SEMA4D: variants seen among roughly 807,000 people sequenced by gnomAD.
SEMA4D encodes semaphorin 4D.
A neutral mutation model predicts 74.8 loss-of-function variants in SEMA4D; 22 were observed. The observed-to-expected ratio is 0.29, with a 90% CI of 0.21 to 0.42. The LOEUF (loss-of-function observed/expected upper bound fraction) is 0.42, where lower values mean the gene tolerates loss of function less well. SEMA4D is among the 10% of genes least tolerant of loss of function. The pLI is 1.00. For synonymous variants in SEMA4D, 445 were observed against 463.7 expected (o/e 0.96, Z 0.52); for missense variants, 937 against 1,118.4 (o/e 0.84, Z 2.31).
chr9:89,382,856 C>T (rs955791303), intron 13 of SEMA4D, among the ~76,000 whole-genome samples: 1 of 152,124 alleles, frequency 6.6e-6, no homozygotes, highest in Non-Finnish European at 1.5e-5. Flanking sequence ...CCTGACTCCT[C>T]ACCCCAAAGA....
At chr9:89,430,540 G>T (rs1039057403) in intron 2 of SEMA4D, among the ~76,000 whole-genome samples, 1 of 152,202 alleles carries the variant, frequency 6.6e-6, no homozygotes, top group African/African-American at 2.4e-5. Context: ...TACTGGGGAG[G>T]GGGAAACTGG....
chr9:89,386,141 G>T, intron 13 of SEMA4D: 1 of 928,374 alleles, frequency 1.1e-6, no homozygotes, highest in Admixed American at 6.2e-5. Context: ...CAGCAACTTC[G>T]AAGAGAAAGT....
chr9:89,360,883 C>T (rs1409378495), exon 19 of SEMA4D: 6 of 152,218 alleles, frequency 3.9e-5, no homozygotes, highest in Non-Finnish European at 8.8e-5. Context: ...GAACACTCCA[C>T]ATTACGAAAA....
At chr9:89,473,108 G>T (rs1860820564) in intron 1 of SEMA4D, among the ~76,000 whole-genome samples, 1 of 152,112 alleles carries the variant, frequency 6.6e-6, no homozygotes, top group Non-Finnish European at 1.5e-5. Context: ...GTATTGGAAA[G>T]GAAGCGCTCA....
At chr9:89,370,006 G>GGT (rs992914241) in intron 16 of SEMA4D, among the ~76,000 whole-genome samples, 7 of 151,632 alleles carry the variant, frequency 4.6e-5, no homozygotes, top group African/African-American at 1.5e-4. Flanking sequence ...TGGTATGATT[G>GGT]GTGTGTGTGT....
rs577325084 is a variant in SEMA4D, at chr9:89,402,780, G to T, written c.252+91C>A. The T allele has an allele frequency of 2.4e-5, 34 of 1,416,172 alleles. 1 individual carries two copies. The South Asian group carries it at 4.1e-4, about 17-fold the overall frequency. 87.7% of individuals were successfully genotyped at this position (1,416,172 alleles called of 1,614,324 possible). The stretch of plus-strand genomic sequence containing the variant: ...TCACAGCTACAGAATGGAGGCTCCA[G>T]GTAAGTCAGCCCCCAGCCCCACAGT... On this transcript the variant is annotated intron_variant, in intron 4 of 15. Coordinates refer to ENST00000422704, the MANE Select transcript of SEMA4D (RefSeq NM_001371194.2).
chr9:89,363,326 G>A (rs150097648), intron 18 of SEMA4D: 1 of 1,512,870 alleles, frequency 6.6e-7, no homozygotes, highest in African/African-American at 1.4e-5. Context: ...GAGGGAACAA[G>A]TGGGGTCCAT....
intron 2 of SEMA4D, among the ~76,000 whole-genome samples, chr9:89,419,029 A>G (rs1484863678): frequency 7.4e-6 from 1 of 134,836 alleles, no homozygotes; most frequent in Non-Finnish European, 1.6e-5. Context: ...CCTCCTCTAC[A>G]GACGCCCTGT....
chr9:89,395,253 C>A (rs947085132), intron 6 of SEMA4D, among the ~76,000 whole-genome samples: 3 of 151,980 alleles, frequency 2.0e-5, no homozygotes, highest in Non-Finnish European at 4.4e-5. Flanking sequence ...TGGAGAAACC[C>A]CATCTCTACT....
intron 2 of SEMA4D, among the ~76,000 whole-genome samples, chr9:89,406,512 A>T (rs991880924): frequency 3.9e-5 from 6 of 152,182 alleles, no homozygotes; most frequent in African/African-American, 1.4e-4. Flanking sequence ...TGATGACTGC[A>T]TGGCTACTGT....
intron 1 of SEMA4D, among the ~76,000 whole-genome samples, chr9:89,458,058 A>C (rs138124766): frequency 7.2e-5 from 11 of 152,230 alleles, no homozygotes; most frequent in Middle Eastern, 3.4e-3. Context: ...AAACAACAAA[A>C]AACAAACCCT....
intron 2 of SEMA4D, among the ~76,000 whole-genome samples, chr9:89,431,311 A>C (rs1056898528): frequency 2.6e-5 from 4 of 152,220 alleles, no homozygotes; most frequent in African/African-American, 7.2e-5. Context: ...GCTGGCTAGA[A>C]CACCACCTGC....
chr9:89,450,343 G>A (rs1191858397), intron 2 of SEMA4D: 11 of 941,764 alleles, frequency 1.2e-5, no homozygotes, highest in Non-Finnish European at 1.8e-5. Context: ...ATGAAAACTT[G>A]ACATGCCTTC....
chr9:89,415,608 T>C (rs1274260713), intron 2 of SEMA4D, among the ~76,000 whole-genome samples: 3 of 152,166 alleles, frequency 2.0e-5, no homozygotes, highest in Non-Finnish European at 4.4e-5. Flanking sequence ...CCCTCAACCA[T>C]GTGAGAAGAC....
At chr9:89,427,398 G>A (rs1848329220) in intron 2 of SEMA4D, among the ~76,000 whole-genome samples, 1 of 152,178 alleles carries the variant, frequency 6.6e-6, no homozygotes, top group African/African-American at 2.4e-5. Context: ...GCCTGTATCA[G>A]AAAACCACAG....
At chr9:89,418,759 C>CACGTGCAGGACTGCAG (rs575286488) in intron 2 of SEMA4D, 82 of 152,076 alleles carry the variant, frequency 5.4e-4, no homozygotes, top group African/African-American at 1.9e-3. Flanking sequence ...AAACCAGAGC[C>CACGTGCAGGACTGCAG]ACGTGCAGGA....
At chr9:89,428,916 T>C (rs1042903079) in intron 2 of SEMA4D, among the ~76,000 whole-genome samples, 1 of 152,234 alleles carries the variant, frequency 6.6e-6, no homozygotes, top group East Asian at 1.9e-4. Context: ...TCAGGGCCCC[T>C]GGACCCTGCC....
chr9:89,495,742 T>G (rs1278985288), intron 1 of SEMA4D, among the ~76,000 whole-genome samples: 3 of 152,122 alleles, frequency 2.0e-5, no homozygotes, highest in African/African-American at 7.2e-5. Context: ...GCTCCAACCC[T>G]GGAGCTCTGG....
chr9:89,461,700 C>CTTTTTTCTCTCTT (rs1554781760), intron 1 of SEMA4D, among the ~76,000 whole-genome samples: 33 of 103,662 alleles, frequency 3.2e-4, no homozygotes, highest in African/African-American at 1.1e-3. Flanking sequence ...TCTTTTTTCT[C>CTTTTTTCTCTCTT]TTTTTTTTTT....
Sources: allele counts gnomAD v4.1 joint callset (sites outside exome capture counted in the v4.1 genomes callset), GRCh38; gene constraint gnomAD v4.1.1; transcripts MANE v1.5; gene names NCBI Gene and HGNC (gene_info 2026-07-23, HGNC 2026-07-21).